The following PIGN variants were observed in gnomAD, a reference collection of about 807,000 sequenced individuals.
PIGN encodes GPI ethanolamine phosphate transferase 1.
PIGN carries 117 observed loss-of-function variants against 125.4 expected under a neutral mutation model. That is an observed-to-expected ratio of 0.93 (90% CI 0.80 to 1.09). The LOEUF is 1.09. Ranked by LOEUF, PIGN falls within the 50% of genes least tolerant of loss-of-function variation. The probability of loss-of-function intolerance (pLI) is 0.00; values close to 1 mark genes in which losing one functional copy is unlikely to be tolerated. For synonymous variants in PIGN, 392 were observed against 377.8 expected, an observed-to-expected ratio of 1.04 and a Z score of -0.44; for missense variants, 1,075 against 1,094.9, an observed-to-expected ratio of 0.98 and a Z score of 0.26.
intron 14 of PIGN, among the ~76,000 whole-genome samples, chr18:62,126,414 C>T (rs1192628655): frequency 6.6e-6 from 1 of 151,974 alleles, no homozygotes; most frequent in Non-Finnish European, 1.5e-5. Flanking sequence ...ATTACAGGTG[C>T]TGAGTGATTT....
At chr18:62,051,236 C>T (rs2145136879) in intron 30 of PIGN, among the ~76,000 whole-genome samples, 1 of 152,210 alleles carries the variant, frequency 6.6e-6, no homozygotes, top group South Asian at 2.1e-4. Flanking sequence ...AGGGAGGATT[C>T]CCTCTTTTTC....
At chr18:62,017,847 C>T (rs1381681651) in intron 23 of PIGN, 1 of 151,770 alleles carries the variant, frequency 6.6e-6, no homozygotes, top group Admixed American at 6.6e-5. Context: ...ATCTTATCGG[C>T]CAGACTACTC....
At chr18:62,021,543 T>C (rs973679883) in intron 23 of PIGN, among the ~76,000 whole-genome samples, 1 of 152,164 alleles carries the variant, frequency 6.6e-6, no homozygotes, top group African/African-American at 2.4e-5. Flanking sequence ...TGGGGTGCAT[T>C]GTAGGAGAGG....
Position 62,113,302 on chromosome 18 carries a change from C to T in PIGN, c.1266G>A (p.Lys422=), listed in dbSNP as rs922012773. 2 of 1,608,164 alleles carry T rather than the reference C, an allele frequency of 1.2e-6. No individual in the cohort carries two copies. Among genetic ancestry groups the T allele is most frequent in the Non-Finnish European group, 1.7e-6 (2 of 1,177,304 alleles). ...RKFDEVVSLC[K]ELIHLALKGL... is the part of the protein sequence containing the mutation. ...CTTTCAATGCAAGATGAATTAGCTC[C>T]TTGCAAAGGGAGACCTATGGAGAAA... Residue 422 remains lysine (K), a synonymous_variant, in exon 16 of 31, where the codon AAG becomes AAA. Transcript: ENST00000640252.
At chr18:62,060,250 C>G (rs1388219209) in intron 30 of PIGN, among the ~76,000 whole-genome samples, 1 of 152,198 alleles carries the variant, frequency 6.6e-6, no homozygotes, top group Non-Finnish European at 1.5e-5. Context: ...TTCGCACTCC[C>G]CTCCCATGAC....
intron 1 of PIGN, among the ~76,000 whole-genome samples, chr18:62,170,581 C>T (rs938609307): frequency 3.9e-5 from 6 of 152,122 alleles, no homozygotes; most frequent in African/African-American, 1.4e-4. Context: ...TCTCCTTGGG[C>T]CTTGCTATTC....
chr18:62,138,198 G>T, intron 14 of PIGN, 45 bp downstream of exon 14: 1 of 1,536,528 alleles, frequency 6.5e-7, no homozygotes, highest in South Asian at 1.3e-5. Context: ...AAACTCAGTG[G>T]AAAATTCTTT....
At chr18:62,145,053 CTCTTT>C (rs1377188894) in intron 10 of PIGN, among the ~76,000 whole-genome samples, 3 of 151,838 alleles carry the variant, frequency 2.0e-5, no homozygotes, top group Non-Finnish European at 4.4e-5. Context: ...GTCCTACCTC[CTCTTT>C]TATCATATCA....
rs118054194 is a variant in PIGN, at chr18:62,056,737, T to C, written c.2673-10758A>G. The C allele has an allele frequency of 9.7e-3, 1,480 of 152,330 alleles. 46 individuals carry two copies. Among genetic ancestry groups the C allele is most frequent in the East Asian group, 0.069 (358 of 5,178 alleles). 9.4% of individuals were successfully genotyped at this position (152,330 alleles called of 1,614,324 possible). On this transcript the variant is annotated intron_variant, in intron 30 of 30. Coordinates refer to ENST00000640252, the MANE Select transcript of PIGN (RefSeq NM_176787.5). ...GGACCCGTACCAGTTCATGGCCTGT[T>C]AGGAACTGGGCCACACAGCAGGAGG...
chr18:62,050,908 G>C (rs2031224818), intron 30 of PIGN, among the ~76,000 whole-genome samples: 1 of 151,356 alleles, frequency 6.6e-6, no homozygotes, highest in Non-Finnish European at 1.5e-5. Flanking sequence ...TTTTTAGCAT[G>C]AACGGTTGTT....
intron 28 of PIGN, among the ~76,000 whole-genome samples, chr18:62,082,172 G>A (rs1009862941): frequency 2.6e-5 from 4 of 152,036 alleles, no homozygotes; most frequent in African/African-American, 9.7e-5. Flanking sequence ...AACTCAGAAA[G>A]AATACTTCCT....
At chr18:62,028,765 T>C (rs2030157828) in intron 23 of PIGN, among the ~76,000 whole-genome samples, 1 of 152,258 alleles carries the variant, frequency 6.6e-6, no homozygotes, top group South Asian at 2.1e-4. Flanking sequence ...TCTTAGAATA[T>C]GGAGCTAACA....
At chr18:62,030,326 G>T (rs60420679) in intron 23 of PIGN, among the ~76,000 whole-genome samples, 1 of 152,158 alleles carries the variant, frequency 6.6e-6, no homozygotes, top group African/African-American at 2.4e-5. Context: ...ATCCTGGGGG[G>T]ACATTCTCTT....
In PIGN at chr18:62,150,922, A is replaced by C. The variant is rs189694373; in HGVS notation, c.550-2584T>G. On this transcript the variant is annotated intron_variant, in intron 7 of 30. Transcript: ENST00000640252. ...TCACCATGTTGGCCAGGATGGTCTC[A>C]ATCTCTTGAGAACGTGATCCACCCG... Among the ~76,000 whole-genome samples, 444 of 152,128 alleles carry C rather than the reference A, an allele frequency of 2.9e-3. 3 individuals are homozygous for C. The highest frequency in any genetic ancestry group is 5.4e-3 in the Admixed American group (83 of 15,284).
rs1006441664 is a variant in PIGN, at chr18:62,148,181, T to G, written c.674+33A>C. 3 of 1,484,750 alleles carry G rather than the reference T, an allele frequency of 2.0e-6. No homozygotes were observed. The African/African-American group carries it at 4.3e-5, about 21-fold the overall frequency. The allele number at this position is 1,484,750 out of a possible 1,614,324, so 92.0% of individuals were successfully genotyped here. On this transcript the variant is annotated intron_variant, in intron 8 of 30. Coordinates refer to ENST00000640252, the MANE Select transcript of PIGN (RefSeq NM_176787.5). ...AAGTTCAATAGAATAGCTGTTGCCC[T>G]AAAAAATACAATTAAACACAATATT... is the stretch of plus-strand genomic sequence containing the variant.
downstream of PIGN, among the ~76,000 whole-genome samples, chr18:62,038,684 A>G (rs1395892275): frequency 6.6e-6 from 1 of 152,166 alleles, no homozygotes; most frequent in African/African-American, 2.4e-5. Flanking sequence ...TCTGATCCCA[A>G]TACTTTGGGA....
intron 23 of PIGN, among the ~76,000 whole-genome samples, chr18:62,094,800 A>C (rs1248800172): frequency 6.6e-6 from 1 of 152,164 alleles, no homozygotes; most frequent in Non-Finnish European, 1.5e-5. Context: ...TGTGGCCCAC[A>C]TCTGGTTAGG....
chr18:62,021,946 T>C (rs1412523036), intron 23 of PIGN, among the ~76,000 whole-genome samples: 2 of 152,214 alleles, frequency 1.3e-5, no homozygotes, highest in Non-Finnish European at 2.9e-5. Flanking sequence ...AGTCCCACTT[T>C]CTTGCTGGCT....
Position 62,121,636 on chromosome 18 carries a change from G to A in PIGN, c.1173-6997C>T, listed in dbSNP as rs186694212. On this transcript the variant is annotated intron_variant, in intron 14 of 30. Coordinates refer to ENST00000640252, the MANE Select transcript of PIGN (RefSeq NM_176787.5). The stretch of plus-strand genomic sequence containing the variant: ...CATGTAAAATTTGTCTTTCCGTGTC[G>A]CTCTTATTTCACTTAACATAATGAT... Among the ~76,000 whole-genome samples the A allele has an allele frequency of 2.3e-3, 347 of 151,916 alleles. 2 individuals are homozygous for A. Among genetic ancestry groups the A allele is most frequent in the Admixed American group, 4.1e-3 (63 of 15,246 alleles).
Sources: allele counts gnomAD v4.1 joint callset (sites outside exome capture counted in the v4.1 genomes callset), GRCh38; gene constraint gnomAD v4.1.1; transcripts MANE v1.5; gene names NCBI Gene and HGNC (gene_info 2026-07-23, HGNC 2026-07-21).